The following SBF2 variants were observed in gnomAD, a reference collection of about 807,000 sequenced individuals.
SBF2 encodes SET binding factor 2.
Under a neutral mutation model 225.2 loss-of-function variants are expected in SBF2, and 112 were observed. That is an observed-to-expected ratio of 0.50 (90% confidence interval 0.43 to 0.58). The LOEUF is 0.58. Ranked by LOEUF, SBF2 falls within the 20% of genes least tolerant of loss-of-function variation. SBF2 has a pLI of 0.00. For synonymous variants in SBF2, 763 were observed against 773.3 expected, an observed-to-expected ratio of 0.99 and a Z score of 0.22; for missense variants, 1,996 against 2,206.2, an observed-to-expected ratio of 0.90 and a Z score of 1.91.
At chr11:10,113,057 A>C (rs938589334) in intron 2 of SBF2, among the ~76,000 whole-genome samples, 3 of 152,156 alleles carry the variant, frequency 2.0e-5, no homozygotes, top group Admixed American at 2.0e-4. Flanking sequence ...GCAGTGGATC[A>C]ATCTCAGCTC....
chr11:9,829,549 C>T (rs1021604602), intron 27 of SBF2, 53 bp from the exon 28 acceptor site: 30 of 1,435,446 alleles, frequency 2.1e-5, no homozygotes, highest in Non-Finnish European at 2.8e-5. Context: ...GTTAACAAAA[C>T]AAGTATCTAT....
intron 17 of SBF2, among the ~76,000 whole-genome samples, chr11:9,868,337 C>CAAAAAAAAAAAAAAA (rs35348349): frequency 7.6e-5 from 2 of 26,370 alleles, no homozygotes; most frequent in African/African-American, 2.3e-4. Context: ...TACAAAAATA[C>CAAAAAAAAAAAAAAA]AAAAAAAAAA....
chr11:10,071,265 C>CTT (rs945479458), intron 2 of SBF2, among the ~76,000 whole-genome samples: 72 of 103,042 alleles, frequency 7.0e-4, no homozygotes, highest in African/African-American at 1.0e-3. Flanking sequence ...CTCTCTCTCT[C>CTT]TTTTTTTTTT....
chr11:10,269,671 T>C (rs1286604738), intron 1 of SBF2, among the ~76,000 whole-genome samples: 1 of 152,194 alleles, frequency 6.6e-6, no homozygotes, highest in African/African-American at 2.4e-5. Context: ...ATGCAGAAAC[T>C]GAGACAGAAA....
At chr11:9,912,272 A>G (rs540821489) in intron 16 of SBF2, among the ~76,000 whole-genome samples, 1 of 120,326 alleles carries the variant, frequency 8.3e-6, no homozygotes, top group South Asian at 2.6e-4. Flanking sequence ...AGATCACTCC[A>G]CTGCACTCTA....
Position 10,208,165 on chromosome 11 carries a change from T to G in SBF2, c.56-14178A>C, listed in dbSNP as rs1345792742. Among the ~76,000 whole-genome samples, 3 of 151,726 alleles carry G rather than the reference T, an allele frequency of 2.0e-5. 1 individual carries two copies. Among genetic ancestry groups the G allele is most frequent in the Non-Finnish European group, 4.4e-5 (3 of 67,948 alleles). On this transcript the variant is annotated intron_variant, in intron 1 of 39. Transcript: ENST00000256190. ...CTTCTCTAAGCCTTGGTCTCCCACC[T>G]GTAAAGTGATCTTAGGTCCCTCCTG...
chr11:9,831,127 T>C (rs963727758), intron 27 of SBF2, among the ~76,000 whole-genome samples: 1 of 152,182 alleles, frequency 6.6e-6, no homozygotes, highest in Admixed American at 6.5e-5. Flanking sequence ...GCCTCCTGAA[T>C]AGCTGGGACT....
At chr11:9,862,812 CCAAGA>C (rs1463804068) in intron 17 of SBF2, among the ~76,000 whole-genome samples, 1 of 151,198 alleles carries the variant, frequency 6.6e-6, no homozygotes, top group African/African-American at 2.4e-5. Context: ...AAAAACTTTC[CCAAGA>C]CAAGATGGTT....
chr11:9,789,967 C>T (rs1176006024), intron 34 of SBF2, among the ~76,000 whole-genome samples: 1 of 152,238 alleles, frequency 6.6e-6, no homozygotes, highest in Non-Finnish European at 1.5e-5. Flanking sequence ...GAGGAGGATG[C>T]AGCTGGAGGA....
chr11:10,013,332 T>C lies in SBF2; in HGVS notation c.620-10643A>G, dbSNP rs116570953. On this transcript the variant is annotated intron_variant, in intron 6 of 39. Coordinates refer to ENST00000256190, the MANE Select transcript of SBF2 (RefSeq NM_030962.4). Reference sequence around the variant, plus strand: ...ACTCCATCTGGTAGCAAAGCTGGTTTTCTACCCAGCCCTACTCTGCCACTA... The same window carrying C: ...ACTCCATCTGGTAGCAAAGCTGGTTCTCTACCCAGCCCTACTCTGCCACTA... Among the ~76,000 whole-genome samples the C allele has an allele frequency of 1.3e-3, 201 of 152,348 alleles. 1 individual carries two copies. Among genetic ancestry groups the C allele is most frequent in the African/African-American group, 4.6e-3 (193 of 41,580 alleles).
chr11:10,031,557 C>T (rs931548991), intron 3 of SBF2, among the ~76,000 whole-genome samples: 1 of 152,088 alleles, frequency 6.6e-6, no homozygotes, highest in Non-Finnish European at 1.5e-5. Context: ...AGTCAGTTTT[C>T]AAAAGAAGAT....
At chr11:10,008,414 A>G (rs1948294200) in intron 6 of SBF2, among the ~76,000 whole-genome samples, 1 of 152,028 alleles carries the variant, frequency 6.6e-6, no homozygotes, top group Admixed American at 6.5e-5. Flanking sequence ...GGGCCCCAAT[A>G]CCCCTATGCC....
intron 2 of SBF2, among the ~76,000 whole-genome samples, chr11:10,190,092 A>G (rs1293851859): frequency 2.0e-5 from 3 of 151,838 alleles, no homozygotes. Context: ...CAGAGGCTGC[A>G]GTGAGCCAAG....
In SBF2 at chr11:9,850,226, C is replaced by T. The variant is rs747173406; in HGVS notation, c.2611-8G>A. ...AGGTCTAAGAATCTTGGGCTTACAA[C>T]AGAAAAAGATTGATTGATTGATTGA... On this transcript the variant is annotated splice_region_variant and splice_polypyrimidine_tract_variant and intron_variant, in intron 21 of 39. Transcript: ENST00000256190. The T allele has an allele frequency of 4.3e-6, 7 of 1,611,914 alleles. No individual in the cohort carries two copies. Among genetic ancestry groups the T allele is most frequent in the Admixed American group, 1.7e-5 (1 of 59,962 alleles).
At chr11:9,939,131 T>C (rs1449211269) in intron 16 of SBF2, among the ~76,000 whole-genome samples, 1 of 152,230 alleles carries the variant, frequency 6.6e-6, no homozygotes, top group Non-Finnish European at 1.5e-5. Context: ...AGAGTCTCAC[T>C]GTCGCCTAGG....
At chr11:10,295,162 G>A (rs968909641), upstream of SBF2, among the ~76,000 whole-genome samples, 3 of 152,254 alleles carry the variant, frequency 2.0e-5, no homozygotes, top group African/African-American at 7.2e-5. Context: ...CCGTGGTTTA[G>A]AAGTTGTCTT....
chr11:9,934,557 A>G (rs1864741032), intron 16 of SBF2, among the ~76,000 whole-genome samples: 1 of 152,228 alleles, frequency 6.6e-6, no homozygotes, highest in Non-Finnish European at 1.5e-5. Context: ...AAAATCCTCA[A>G]TAAAATAATG....
At chr11:9,845,927 T>C (rs927854444) in intron 23 of SBF2, among the ~76,000 whole-genome samples, 187 bp from the exon 24 acceptor site, 14 of 152,222 alleles carry the variant, frequency 9.2e-5, no homozygotes, top group Admixed American at 3.3e-4. Flanking sequence ...TTGCCATAAA[T>C]GGCTAGTTGG....
intron 7 of SBF2, among the ~76,000 whole-genome samples, chr11:10,001,861 A>C (rs1947976818): frequency 6.6e-6 from 1 of 152,102 alleles, no homozygotes; most frequent in South Asian, 2.1e-4. Context: ...GGAGTCTAAA[A>C]TTTTATCTAG....
Sources: allele counts gnomAD v4.1 joint callset (sites outside exome capture counted in the v4.1 genomes callset), GRCh38; gene constraint gnomAD v4.1.1; transcripts MANE v1.5; gene names NCBI Gene and HGNC (gene_info 2026-07-23, HGNC 2026-07-21).